The following MAST4 variants were observed in gnomAD, a reference collection of about 807,000 sequenced individuals.
MAST4 encodes microtubule associated serine/threonine kinase family member 4.
A neutral mutation model predicts 162.7 loss-of-function variants in MAST4; 89 were observed. The observed-to-expected ratio is 0.55, with a 90% CI of 0.46 to 0.65. MAST4 has a LOEUF of 0.65. Ranked by LOEUF, MAST4 falls within the 30% of genes least tolerant of loss-of-function variation. The pLI is 0.00. For missense variants in MAST4, 3,153 were observed against 3,374.0 expected (o/e 0.93, Z 1.62); for synonymous variants, 1,479 against 1,361.1 (o/e 1.09, Z -1.91).
chr5:66,775,352 G>T (rs1754552415), intron 2 of MAST4, among the ~76,000 whole-genome samples: 2 of 152,082 alleles, frequency 1.3e-5, no homozygotes, highest in South Asian at 4.1e-4. Flanking sequence ...TGCTAAAAGG[G>T]AATGCTAAGT....
At chr5:67,128,553 A>T (rs973925992) in intron 14 of MAST4, among the ~76,000 whole-genome samples, 1 of 152,368 alleles carries the variant, frequency 6.6e-6, no homozygotes, top group Non-Finnish European at 1.5e-5. Flanking sequence ...AAGGAAAAAG[A>T]TGGGCATGAT....
chr5:66,981,157 A>G (rs1309389017), intron 4 of MAST4, among the ~76,000 whole-genome samples: 2 of 149,184 alleles, frequency 1.3e-5, no homozygotes, highest in Non-Finnish European at 3.0e-5. Context: ...AAAACATGTG[A>G]CTTTGAGTGG....
rs186114875 is a variant in MAST4 at position 67,095,669 on chromosome 5, G to A, written c.906G>A (p.Thr302=). 6.3e-5 allele frequency: 100 copies of A among 1,595,522 alleles called. 1 individual carries two copies. In the South Asian group the frequency reaches 9.3e-4, roughly 15 times the overall value. The change falls in exon 7 of 29, where the codon ACG becomes ACA. Residue 302 remains threonine (T), a synonymous_variant. Transcript: ENST00000403625. ...ATGGGACAAACACACCCAGCTCTAC[G>A]GTCTCTGTAAGTGCCTGACTTTTTT... The part of the protein sequence containing the change: ...SGYGTNTPSS[T]VSSSCSSQEK...
chr5:66,938,284 A>G (rs1445785705), intron 4 of MAST4, among the ~76,000 whole-genome samples: 1 of 152,180 alleles, frequency 6.6e-6, no homozygotes. Context: ...GCTCCCTAGT[A>G]TAAGAAATAT....
At chr5:66,879,461 A>T (rs938777437) in intron 3 of MAST4, among the ~76,000 whole-genome samples, 3 of 152,032 alleles carry the variant, frequency 2.0e-5, no homozygotes, top group Admixed American at 6.6e-5. Flanking sequence ...ATCTAAAACT[A>T]AAAGTATTTT....
chr5:66,840,926 G>A (rs1183517187), intron 3 of MAST4, among the ~76,000 whole-genome samples: 1 of 152,092 alleles, frequency 6.6e-6, no homozygotes, highest in African/African-American at 2.4e-5. Flanking sequence ...GACTAATATG[G>A]GGGACAAGCA....
At chr5:66,883,479 A>G (rs1761836929) in intron 3 of MAST4, among the ~76,000 whole-genome samples, 1 of 131,212 alleles carries the variant, frequency 7.6e-6, no homozygotes, top group African/African-American at 3.0e-5. Flanking sequence ...CCCAGGCTGG[A>G]GTGCAGTGGC....
At chr5:66,602,452 C>T (rs1742617273) in intron 1 of MAST4, among the ~76,000 whole-genome samples, 1 of 151,960 alleles carries the variant, frequency 6.6e-6, no homozygotes, top group South Asian at 2.1e-4. Flanking sequence ...GTTTTAGAGC[C>T]TGTGACAAAG....
intron 23 of MAST4, among the ~76,000 whole-genome samples, chr5:67,149,061 G>A (rs139460514): frequency 6.6e-6 from 1 of 152,260 alleles, no homozygotes; most frequent in African/African-American, 2.4e-5. Context: ...AGGGGCACCA[G>A]AATTATCTCT....
intron 3 of MAST4, among the ~76,000 whole-genome samples, chr5:66,879,786 T>C (rs1358596528): frequency 6.6e-6 from 1 of 152,238 alleles, no homozygotes; most frequent in Admixed American, 6.5e-5. Context: ...GTTCTGGGAT[T>C]ACAGGCATGA....
intron 26 of MAST4, among the ~76,000 whole-genome samples, chr5:67,155,505 G>C (rs930454470): frequency 6.6e-6 from 1 of 152,224 alleles, no homozygotes; most frequent in Admixed American, 6.5e-5. Context: ...CAATTAGCCA[G>C]GCTTAACTTC....
rs1372123185 is a variant in MAST4, at chr5:66,760,184, C to T, written c.517+322C>T. On this transcript the variant is annotated intron_variant, in intron 2 of 28. Transcript: ENST00000403625. Reference sequence around the variant, plus strand: ...GGAGTGCAGTGGTGTGGCATGATCTCGGCTCACTGCAACCTCCGCCTCCCA... The same window carrying T: ...GGAGTGCAGTGGTGTGGCATGATCTTGGCTCACTGCAACCTCCGCCTCCCA... Among the ~76,000 whole-genome samples the T allele has an allele frequency of 6.6e-5, 10 of 151,574 alleles. No homozygotes were observed. The South Asian group carries it at 8.4e-4, about 13-fold the overall frequency.
intron 3 of MAST4, among the ~76,000 whole-genome samples, chr5:66,829,839 C>G (rs1445809863): frequency 7.9e-6 from 1 of 127,054 alleles, no homozygotes; most frequent in Non-Finnish European, 1.7e-5. Context: ...TACTAATATT[C>G]ATATTACTAT....
chr5:66,657,778 G>T (rs777686778), intron 1 of MAST4, among the ~76,000 whole-genome samples: 4 of 152,112 alleles, frequency 2.6e-5, no homozygotes, highest in Non-Finnish European at 5.9e-5. Context: ...AATGTGCCGT[G>T]GTTACTGATG....
At chr5:66,824,813 A>G (rs1311992203) in intron 3 of MAST4, among the ~76,000 whole-genome samples, 1 of 152,226 alleles carries the variant, frequency 6.6e-6, no homozygotes, top group African/African-American at 2.4e-5. Context: ...GTCATTTGCA[A>G]CACAATGGCA....
intron 3 of MAST4, among the ~76,000 whole-genome samples, chr5:66,802,791 G>A (rs933202374): frequency 5.3e-5 from 8 of 152,126 alleles, no homozygotes; most frequent in Admixed American, 4.6e-4. Flanking sequence ...TGGACTCATG[G>A]TCTGGCTCAA....
At chr5:67,144,063 G>A (rs946479260) in intron 21 of MAST4, among the ~76,000 whole-genome samples, 5 of 152,024 alleles carry the variant, frequency 3.3e-5, no homozygotes, top group African/African-American at 7.2e-5. Context: ...CCTGAGCTCC[G>A]ATCCCCTTCA....
At chr5:67,078,951 T>TATATATA (rs1762275516) in intron 5 of MAST4, among the ~76,000 whole-genome samples, 2 of 95,906 alleles carry the variant, frequency 2.1e-5, no homozygotes, top group African/African-American at 6.2e-5. Context: ...TATATATATA[T>TATATATA]GGCAATCTGA....
chr5:66,835,786 G>A (rs903022158), intron 3 of MAST4, among the ~76,000 whole-genome samples: 2 of 152,060 alleles, frequency 1.3e-5, no homozygotes, highest in Non-Finnish European at 2.9e-5. Context: ...TTTAGTTTTT[G>A]GAAGCAATCA....
Sources: gnomAD v4.1 joint callset for allele counts (sites outside exome capture counted in the v4.1 genomes callset) on GRCh38, gnomAD v4.1.1 for gene constraint, MANE v1.5 for transcripts, NCBI Gene and HGNC (gene_info 2026-07-23, HGNC 2026-07-21) for gene names.